DLGAP2: variants seen among roughly 807,000 people sequenced by gnomAD.
The protein encoded by DLGAP2 is disks large-associated protein 2.
Under a neutral mutation model 100.3 loss-of-function variants are expected in DLGAP2, and 26 were observed. The ratio of observed to expected loss-of-function variants is 0.26; its 90% CI spans 0.19 to 0.36. The LOEUF is 0.36. DLGAP2 is among the 10% of genes least tolerant of loss of function. DLGAP2 has a pLI of 1.00. For synonymous variants in DLGAP2, 886 were observed against 630.1 expected (o/e 1.41, Z -6.08); for missense variants, 1,858 against 1,453.2 (o/e 1.28, Z -4.53).
intron 4 of DLGAP2, among the ~76,000 whole-genome samples, chr8:1,514,345 C>T (rs1800286236): frequency 6.6e-6 from 1 of 152,248 alleles, no homozygotes; most frequent in African/African-American, 2.4e-5. Context: ...CAGGTGTTTT[C>T]AATGGCACAC....
chr8:910,509 T>G (rs1798463723), intron 2 of DLGAP2: 1 of 152,214 alleles, frequency 6.6e-6, no homozygotes, highest in African/African-American at 2.4e-5. Context: ...AGACCATCCT[T>G]TTCATGAAGG....
intron 1 of DLGAP2, among the ~76,000 whole-genome samples, chr8:779,213 C>T (rs891937807): frequency 1.7e-4 from 26 of 152,200 alleles, no homozygotes; most frequent in Non-Finnish European, 2.9e-4. Context: ...GCATGGTGCG[C>T]GCACCCACTG....
At chr8:1,012,990 G>A (rs575410613) in intron 2 of DLGAP2, among the ~76,000 whole-genome samples, 1 of 152,298 alleles carries the variant, frequency 6.6e-6, no homozygotes, top group South Asian at 2.1e-4. Context: ...TTGCAGATGA[G>A]GAAGTTGAGA....
chr8:1,193,994 C>T, intron 2 of DLGAP2, among the ~76,000 whole-genome samples: 1 of 152,134 alleles, frequency 6.6e-6, no homozygotes, highest in East Asian at 1.9e-4. Context: ...TATCTGAAGC[C>T]TCAGGTGAAA....
At chr8:1,174,677 C>G (rs1248401670) in intron 2 of DLGAP2, among the ~76,000 whole-genome samples, 2 of 149,450 alleles carry the variant, frequency 1.3e-5, no homozygotes, top group South Asian at 2.1e-4. Flanking sequence ...ATCACCATCA[C>G]CACCATCATC....
chr8:1,457,835 G>A (rs528390368), intron 3 of DLGAP2, among the ~76,000 whole-genome samples: 43 of 151,666 alleles, frequency 2.8e-4, no homozygotes, highest in African/African-American at 1.0e-3. Flanking sequence ...GCAGAGTCAC[G>A]CAACTCACTA....
chr8:990,284 C>T (rs1233834290), intron 2 of DLGAP2, among the ~76,000 whole-genome samples: 1 of 151,918 alleles, frequency 6.6e-6, no homozygotes, highest in African/African-American at 2.4e-5. Flanking sequence ...AATCGACCTT[C>T]TGAAGTTTTC....
At chr8:1,205,641 G>T (rs183144650) in intron 2 of DLGAP2, among the ~76,000 whole-genome samples, 1 of 152,138 alleles carries the variant, frequency 6.6e-6, no homozygotes, top group African/African-American at 2.4e-5. Flanking sequence ...TGCTCAGCTC[G>T]CCTCGGGAAA....
At chr8:1,667,126 C>T (rs951275970) in intron 8 of DLGAP2, among the ~76,000 whole-genome samples, 4 of 152,186 alleles carry the variant, frequency 2.6e-5, no homozygotes, top group African/African-American at 9.7e-5. Context: ...AGATTCCCTT[C>T]AAGAAGCACT....
intron 1 of DLGAP2, among the ~76,000 whole-genome samples, chr8:825,051 C>G (rs7463216): frequency 0.2 from 29,692 of 152,150 alleles, 3,648 homozygotes; most frequent in Admixed American, 0.39. Context: ...GAGTAAGATA[C>G]GCACCACATC....
At chr8:1,152,377 T>C (rs1015106162) in intron 2 of DLGAP2, among the ~76,000 whole-genome samples, 1 of 152,228 alleles carries the variant, frequency 6.6e-6, no homozygotes, top group African/African-American at 2.4e-5. Flanking sequence ...CAGAGTTTGA[T>C]GGAACGTGTT....
At chr8:1,441,145 A>C (rs1797818476) in intron 3 of DLGAP2, among the ~76,000 whole-genome samples, 1 of 152,210 alleles carries the variant, frequency 6.6e-6, no homozygotes, top group Non-Finnish European at 1.5e-5. Flanking sequence ...GTATTATCTA[A>C]ACAAAGAGAT....
intron 2 of DLGAP2, among the ~76,000 whole-genome samples, chr8:1,202,198 C>G (rs1797892612): frequency 6.6e-6 from 1 of 151,210 alleles, no homozygotes; most frequent in South Asian, 2.1e-4. Flanking sequence ...TGTGATGTAT[C>G]TGTTGGTGTA....
intron 2 of DLGAP2, among the ~76,000 whole-genome samples, chr8:1,253,472 T>C (rs921245532): frequency 6.6e-6 from 1 of 152,246 alleles, no homozygotes; most frequent in African/African-American, 2.4e-5. Flanking sequence ...TCCAAAAATA[T>C]GTGCATAAAT....
intron 1 of DLGAP2, among the ~76,000 whole-genome samples, chr8:749,607 A>G (rs1162373847): frequency 1.3e-5 from 2 of 152,220 alleles, no homozygotes; most frequent in Non-Finnish European, 2.9e-5. Flanking sequence ...TTACTTACAA[A>G]AATGTTTGGC....
intron 2 of DLGAP2, among the ~76,000 whole-genome samples, chr8:1,177,400 T>C (rs1797283903): frequency 6.6e-6 from 1 of 152,112 alleles, no homozygotes; most frequent in Non-Finnish European, 1.5e-5. Context: ...GCCCGAGTTC[T>C]GCCATCTGTT....
At chr8:1,618,982 C>T (rs182689968) in intron 6 of DLGAP2, among the ~76,000 whole-genome samples, 1 of 152,210 alleles carries the variant, frequency 6.6e-6, no homozygotes, top group African/African-American at 2.4e-5. Context: ...CTCAAATAGA[C>T]AAAATAGATC....
intron 2 of DLGAP2, among the ~76,000 whole-genome samples, chr8:1,047,502 A>G (rs1399273006): frequency 2.0e-5 from 3 of 152,194 alleles, no homozygotes; most frequent in African/African-American, 4.8e-5. Flanking sequence ...GAGTCTCCTC[A>G]CATCTTAGTG....
chr8:737,727 G>C lies in DLGAP2; in HGVS notation c.-81G>C, dbSNP rs1394989351. 5.3e-6 allele frequency: 2 copies of C among 374,214 alleles called. No individual in the cohort carries two copies. Among genetic ancestry groups the C allele is most frequent in the Admixed American group, 4.6e-5 (1 of 21,836 alleles). 23.2% of individuals were successfully genotyped at this position (374,214 alleles called of 1,614,324 possible). A position where few individuals can be genotyped will look rare whatever the true frequency, so the allele number is the denominator to read the frequency against. Reference sequence around the variant, plus strand: ...CGGACGGACGTACTGACCCCAACCCGCGAGCCCCGGGAGCCGTCGGTCTGA... The same window carrying C: ...CGGACGGACGTACTGACCCCAACCCCCGAGCCCCGGGAGCCGTCGGTCTGA... On this transcript the variant is annotated 5_prime_UTR_variant, in exon 1 of 15. Coordinates refer to ENST00000637795, the MANE Select transcript of DLGAP2 (RefSeq NM_001346810.2).
Sources: allele counts gnomAD v4.1 joint callset (sites outside exome capture counted in the v4.1 genomes callset), GRCh38; gene constraint gnomAD v4.1.1; transcripts MANE v1.5; gene names NCBI Gene and HGNC (gene_info 2026-07-23, HGNC 2026-07-21).